YEATS2: variants seen among roughly 807,000 people sequenced by gnomAD.
YEATS2 encodes the protein YEATS domain containing 2, also known as YEATS domain-containing protein 2.
A neutral mutation model predicts 163.2 loss-of-function variants in YEATS2; 77 were observed. The observed-to-expected ratio is 0.47, with a 90% CI of 0.39 to 0.57. The LOEUF (loss-of-function observed/expected upper bound fraction) is 0.57. Ranked by LOEUF, YEATS2 falls within the 20% of genes least tolerant of loss-of-function variation. The pLI is 0.00. For missense variants in YEATS2, 1,549 were observed against 1,729.8 expected (o/e 0.90, Z 1.85); for synonymous variants, 631 against 645.1 (o/e 0.98, Z 0.33).
chr3:183,746,805 C>T (rs1208653678), intron 8 of YEATS2, among the ~76,000 whole-genome samples: 2 of 152,044 alleles, frequency 1.3e-5, no homozygotes, highest in Non-Finnish European at 2.9e-5. Flanking sequence ...GTTGTCCTCT[C>T]TATGTTGGCT....
At chr3:183,728,896 A>G in intron 7 of YEATS2, 45 bp downstream of exon 7, 1 of 1,537,168 alleles carries the variant, frequency 6.5e-7, no homozygotes, top group Non-Finnish European at 8.8e-7. Flanking sequence ...ATGCAGACTT[A>G]TTTTTGAAGT....
At chr3:183,799,949 C>A (rs1169151029) in intron 23 of YEATS2, among the ~76,000 whole-genome samples, 1 of 151,628 alleles carries the variant, frequency 6.6e-6, no homozygotes, top group Non-Finnish European at 1.5e-5. Context: ...TCTCCTGCCT[C>A]AGCCTCCTGA....
At chr3:183,785,164 CTCTG>C (rs1723941851) in intron 19 of YEATS2, among the ~76,000 whole-genome samples, 2 of 151,482 alleles carry the variant, frequency 1.3e-5, no homozygotes, top group Admixed American at 1.3e-4. Context: ...GTGACCCTGT[CTCTG>C]AAAAACATTT....
intron 8 of YEATS2, among the ~76,000 whole-genome samples, chr3:183,737,550 G>A (rs1282472347): frequency 6.6e-6 from 1 of 152,172 alleles, no homozygotes; most frequent in Non-Finnish European, 1.5e-5. Flanking sequence ...GTTTCTTGGG[G>A]CTAAGTTACT....
chr3:183,764,539 G>A (rs540262801), intron 15 of YEATS2, among the ~76,000 whole-genome samples: 11 of 152,198 alleles, frequency 7.2e-5, no homozygotes, highest in Non-Finnish European at 1.5e-4. Context: ...GCTTGTCGCA[G>A]TGGCTCACGC....
At chr3:183,740,997 G>T (rs1266057229) in intron 8 of YEATS2, among the ~76,000 whole-genome samples, 2 of 152,092 alleles carry the variant, frequency 1.3e-5, no homozygotes, top group Non-Finnish European at 2.9e-5. Context: ...GAAGTATAGT[G>T]GCGTGATCTC....
chr3:183,807,986 C>G, intron 28 of YEATS2, 44 bp from the exon 29 acceptor site: 1 of 1,493,168 alleles, frequency 6.7e-7, no homozygotes, highest in Admixed American at 2.0e-5. Flanking sequence ...GAGGCTGTTT[C>G]TAAAGCAGCG....
chr3:183,751,377 G>C (rs1720149185), intron 9 of YEATS2, among the ~76,000 whole-genome samples: 1 of 152,140 alleles, frequency 6.6e-6, no homozygotes, highest in African/African-American at 2.4e-5. Flanking sequence ...CTCCAACTTT[G>C]TTCTTCACCT....
intron 15 of YEATS2, among the ~76,000 whole-genome samples, chr3:183,767,638 C>T (rs1470396172): frequency 6.6e-6 from 1 of 152,106 alleles, no homozygotes; most frequent in Non-Finnish European, 1.5e-5. Flanking sequence ...GCCTTGGCCT[C>T]CTGAAGTGCT....
chr3:183,716,072 G>C (rs1162217537), intron 2 of YEATS2, among the ~76,000 whole-genome samples: 1 of 152,052 alleles, frequency 6.6e-6, no homozygotes, highest in South Asian at 2.1e-4. Flanking sequence ...CCATTCTCCT[G>C]CGTCAGCCTC....
intron 19 of YEATS2, among the ~76,000 whole-genome samples, chr3:183,784,323 T>G (rs1410818724): frequency 6.6e-6 from 1 of 152,220 alleles, no homozygotes; most frequent in Non-Finnish European, 1.5e-5. Flanking sequence ...GGTTTTGATT[T>G]GCATTTCTCT....
intron 19 of YEATS2, among the ~76,000 whole-genome samples, chr3:183,779,652 C>A (rs748565041): frequency 6.6e-6 from 1 of 152,076 alleles, no homozygotes; most frequent in African/African-American, 2.4e-5. Flanking sequence ...CCCTGACCAA[C>A]GGATTTTAAC....
intron 17 of YEATS2, among the ~76,000 whole-genome samples, chr3:183,775,669 T>C (rs893970110): frequency 6.6e-6 from 1 of 152,190 alleles, no homozygotes; most frequent in Non-Finnish European, 1.5e-5. Context: ...AGTATCTTCA[T>C]TGTACTCAGA....
rs1446085161 is a variant in YEATS2 at position 183,812,344 on chromosome 3, A to G, written c.*1761A>G. On this transcript the variant is annotated 3_prime_UTR_variant, in exon 31 of 31. Coordinates refer to ENST00000305135, the MANE Select transcript of YEATS2 (RefSeq NM_018023.5). The stretch of plus-strand genomic sequence containing the variant: ...TTAACAGTTTAGTATATAAGGCTCA[A>G]ATAGTCTATACCTGAACTGCTATAA... 4 of 152,280 alleles carry G rather than the reference A, an allele frequency of 2.6e-5. No homozygotes were observed. The highest frequency in any genetic ancestry group is 4.8e-5 in the African/African-American group (2 of 41,454). 9.4% of individuals were successfully genotyped at this position (152,280 alleles called of 1,614,324 possible). A position where few individuals can be genotyped will look rare whatever the true frequency, so the allele number is the denominator to read the frequency against.
chr3:183,808,000 C>A, intron 28 of YEATS2, 30 bp from the exon 29 acceptor site: 1 of 1,541,444 alleles, frequency 6.5e-7, no homozygotes, highest in Non-Finnish European at 8.8e-7. Flanking sequence ...AGCAGCGATA[C>A]GAACAAACGG....
intron 11 of YEATS2, among the ~76,000 whole-genome samples, chr3:183,755,737 C>CTTTTT (rs1553871683): frequency 3.1e-5 from 1 of 32,450 alleles, no homozygotes; most frequent in African/African-American, 1.3e-4. Context: ...TTCTTCCTTC[C>CTTTTT]TTTCTTTTTT....
chr3:183,728,321 C>T (rs1717343010), intron 6 of YEATS2, among the ~76,000 whole-genome samples: 1 of 152,136 alleles, frequency 6.6e-6, no homozygotes, highest in Admixed American at 6.5e-5. Context: ...TTCTTCTATC[C>T]AATTGTTACC....
intron 19 of YEATS2, among the ~76,000 whole-genome samples, chr3:183,785,036 G>C (rs1185597227): frequency 5.3e-5 from 8 of 151,626 alleles, no homozygotes; most frequent in African/African-American, 1.9e-4. Context: ...TCGCACCACT[G>C]CACTCCAGTC....
intron 1 of YEATS2, among the ~76,000 whole-genome samples, chr3:183,714,497 GGA>G (rs1715623233): frequency 6.6e-6 from 1 of 151,774 alleles, no homozygotes; most frequent in Non-Finnish European, 1.5e-5. Context: ...TGCCCGGCCG[GGA>G]TTTTTTTTTT....
Sources: allele counts gnomAD v4.1 joint callset (sites outside exome capture counted in the v4.1 genomes callset), GRCh38; gene constraint gnomAD v4.1.1; transcripts MANE v1.5; gene names NCBI Gene and HGNC (gene_info 2026-07-23, HGNC 2026-07-21).